Variants in PRDM14 observed in about 807,000 individuals in gnomAD.
PRDM14 encodes PR domain zinc finger protein 14.
PRDM14 carries 16 observed loss-of-function variants against 48.0 expected under a neutral mutation model. That is an observed-to-expected ratio of 0.33 (90% CI 0.23 to 0.51). PRDM14 has a LOEUF of 0.51. PRDM14 is among the 20% of genes least tolerant of loss of function. The pLI is 0.97. For synonymous variants in PRDM14, 264 were observed against 276.6 expected (o/e 0.95, Z 0.45); for missense variants, 566 against 719.6 (o/e 0.79, Z 2.44).
intron 6 of PRDM14, among the ~76,000 whole-genome samples, chr8:70,058,193 C>T (rs1675971218): frequency 1.3e-5 from 2 of 152,194 alleles, no homozygotes; most frequent in African/African-American, 4.8e-5. Context: ...TTCCTTCTTA[C>T]CTATACCTGT....
intron 2 of PRDM14, among the ~76,000 whole-genome samples, chr8:70,068,908 C>T (rs903775344): frequency 5.3e-5 from 8 of 152,340 alleles, no homozygotes; most frequent in African/African-American, 1.4e-4. Flanking sequence ...GAATCTGAAC[C>T]TACCTGGGAG....
In PRDM14 at chr8:70,052,115, T is replaced by G; in HGVS notation, c.1678A>C (p.Thr560Pro). 6.2e-7 allele frequency: 1 copy of G among 1,611,826 alleles called. No individual in the cohort carries two copies. The highest frequency in any genetic ancestry group is 8.5e-7 in the Non-Finnish European group (1 of 1,179,286). The part of the protein sequence containing the change: ...ICGKIFSDQE[T>P]FYSHMKFHED... ...TGAAACTTCATGTGGGAGTAGAATG[T>G]TTCTTGATCTGAGAAGATTTTCCCA... Residue 560 changes from threonine (T) to proline (P), a missense_variant, in exon 8 of 8, where the codon ACA (threonine) becomes CCA (proline). Physicochemically the swap from Thr to Pro is conservative, Grantham distance 38 (BLOSUM62 -1). This residue lies in a region of PRDM14 where 30 missense variants were observed against 23.4 expected (regional missense o/e 1.28). Coordinates refer to ENST00000276594, the MANE Select transcript of PRDM14 (RefSeq NM_024504.4).
At chr8:70,068,174 C>T in intron 4 of PRDM14, 56 bp downstream of exon 4, 9 of 1,601,932 alleles carry the variant, frequency 5.6e-6, no homozygotes, top group South Asian at 2.2e-5. Context: ...CCAAGATTTC[C>T]CCGGACTAGT....
chr8:70,066,516 T>C lies in PRDM14; in HGVS notation c.913-11A>G, dbSNP rs750397285. ...ACCATCTTCAAAGATCTAAATGAAA[T>C]AAGACATGAAGTTTGTATTGTACTT... On this transcript the variant is annotated splice_polypyrimidine_tract_variant and intron_variant, in intron 4 of 7. Transcript: ENST00000276594. 2 of 1,607,582 alleles carry C rather than the reference T, an allele frequency of 1.2e-6. No individual in the cohort carries two copies. The highest frequency in any genetic ancestry group is 1.7e-6 in the Non-Finnish European group (2 of 1,176,724).
Position 70,066,300 on chromosome 8 carries a change from A to T in PRDM14, c.1118T>A (p.Phe373Tyr). ...CTGAAGGCTCACAGGAATATCCAGA[A>T]ATTTCTCATAGCAGTCTCCATACCA... The part of the protein sequence containing the change: ...LVWYGDCYEK[F>Y]LDIPVSLQVT... Residue 373 changes from phenylalanine (F) to tyrosine (Y), a missense_variant, in exon 5 of 8, where the codon TTT becomes TAT. By Grantham distance (22) the Phe-to-Tyr change is conservative (BLOSUM62 3). This residue lies in a region of PRDM14 where 126 missense variants were observed against 271.6 expected (regional missense o/e 0.46). Coordinates refer to ENST00000276594, the MANE Select transcript of PRDM14 (RefSeq NM_024504.4). The T allele has an allele frequency of 1.9e-6, 3 of 1,614,100 alleles. No homozygotes were observed. The highest frequency in any genetic ancestry group is 2.5e-6 in the Non-Finnish European group (3 of 1,180,006).
chr8:70,061,739 T>G (rs1178596283), intron 5 of PRDM14, among the ~76,000 whole-genome samples: 1 of 152,150 alleles, frequency 6.6e-6, no homozygotes, highest in Non-Finnish European at 1.5e-5. Context: ...ACCACTTAGG[T>G]AGAAATGAAA....
At chr8:70,055,222 A>C (rs974867275) in intron 7 of PRDM14, 78 bp downstream of exon 7, 1 of 780,338 alleles carries the variant, frequency 1.3e-6, no homozygotes, top group African/African-American at 1.7e-5. Flanking sequence ...TCATTAAGCC[A>C]GGCTTTGTTT....
chr8:70,066,394 C>A lies in PRDM14; in HGVS notation c.1024G>T (p.Val342Leu). 1 of 1,614,210 alleles carries A rather than the reference C, an allele frequency of 6.2e-7. No homozygotes were observed. Among genetic ancestry groups the A allele is most frequent in the African/African-American group, 1.3e-5 (1 of 75,044 alleles). Residue 342 changes from valine (V) to leucine (L), a missense_variant, in exon 5 of 8, where the codon GTG becomes TTG. Physicochemically the swap from Val to Leu is conservative, Grantham distance 32. Coordinates refer to ENST00000276594, the MANE Select transcript of PRDM14 (RefSeq NM_024504.4). Reference sequence around the variant, plus strand: ...TAAAATATATGCCCTTGACACTGCACAGCAACTAGGTTCTGCTCCTTGGGG... The same window carrying A: ...TAAAATATATGCCCTTGACACTGCAAAGCAACTAGGTTCTGCTCCTTGGGG... ...RFPKEQNLVA[V>L]QCQGHIFYES... is the part of the protein sequence containing the mutation.
In PRDM14 at chr8:70,069,870, G is replaced by T; in HGVS notation, c.-10C>A. 1 of 1,566,696 alleles carries T rather than the reference G, an allele frequency of 6.4e-7. No individual in the cohort carries two copies. The highest frequency in any genetic ancestry group is 1.2e-5 in the South Asian group (1 of 85,572). ...GCCGGGGTAGAGCCATCCCGGGACCGCACGCTCGGCGGCTCTGCAGAAAAG... is the reference window on the plus strand; with the variant it reads ...GCCGGGGTAGAGCCATCCCGGGACCTCACGCTCGGCGGCTCTGCAGAAAAG... On this transcript the variant is annotated 5_prime_UTR_variant, in exon 2 of 8. Transcript: ENST00000276594.
intron 7 of PRDM14, 52 bp downstream of exon 7, chr8:70,055,248 A>AG: frequency 9.9e-7 from 1 of 1,009,088 alleles, no homozygotes; most frequent in Non-Finnish European, 1.5e-6. Flanking sequence ...TCTTATCCAT[A>AG]GACACTCAAG....
chr8:70,068,430 A>G (rs1327958442), intron 3 of PRDM14, 43 bp from the exon 4 acceptor site: 4 of 1,613,922 alleles, frequency 2.5e-6, no homozygotes, highest in Non-Finnish European at 3.4e-6. Flanking sequence ...AGGAGAGTTG[A>G]CTCTGCATTA....
chr8:70,063,123 T>C (rs758549216), intron 5 of PRDM14, among the ~76,000 whole-genome samples: 17 of 152,112 alleles, frequency 1.1e-4, no homozygotes, highest in Non-Finnish European at 2.4e-4. Flanking sequence ...AATAATTTGA[T>C]ACATACGGTG....
rs144351850 is a variant in PRDM14, at chr8:70,069,711, G to A, written c.150C>T (p.Phe50=). The A allele has an allele frequency of 7.3e-4, 1,147 of 1,573,118 alleles. 2 individuals carry two copies. Among genetic ancestry groups the A allele is most frequent in the Non-Finnish European group, 9.4e-4 (1,091 of 1,159,062 alleles). The change falls in exon 2 of 8, where the codon TTC becomes TTT. Residue 50 remains phenylalanine, a synonymous_variant. Coordinates refer to ENST00000276594, the MANE Select transcript of PRDM14 (RefSeq NM_024504.4). The part of the protein sequence containing the change: ...RNSLATVEED[F]QPFRQLEAAA... ...CGGCCTCCAGCTGCCGGAAAGGTTGGAAGTCTTCCTCCACGGTGGCCAGGC... is the reference window on the plus strand; with the variant it reads ...CGGCCTCCAGCTGCCGGAAAGGTTGAAAGTCTTCCTCCACGGTGGCCAGGC...
rs1805738101 is a variant in PRDM14, at chr8:70,069,865, G to A, written c.-5C>T. On this transcript the variant is annotated 5_prime_UTR_variant, in exon 2 of 8. Coordinates refer to ENST00000276594, the MANE Select transcript of PRDM14 (RefSeq NM_024504.4). Reference sequence around the variant, plus strand: ...ACTTGGCCGGGGTAGAGCCATCCCGGGACCGCACGCTCGGCGGCTCTGCAG... The same window carrying A: ...ACTTGGCCGGGGTAGAGCCATCCCGAGACCGCACGCTCGGCGGCTCTGCAG... 6.3e-7 allele frequency: 1 copy of A among 1,579,702 alleles called. No homozygotes were observed. The highest frequency in any genetic ancestry group is 1.3e-5 in the African/African-American group (1 of 74,314).
In PRDM14 at chr8:70,069,371, G is replaced by A. The variant is rs1221680996; in HGVS notation, c.490C>T (p.Leu164=). 6.2e-7 allele frequency: 1 copy of A among 1,612,150 alleles called. No individual in the cohort carries two copies. Among genetic ancestry groups the A allele is most frequent in the African/African-American group, 1.3e-5 (1 of 74,904 alleles). ...PADASLLPEG[L]RTSQLLPCSP... ...CAAGGTAATAACTGGGAGGTCCTCAGCCCCTCAGGTAACAGAGAAGCATCC... is the reference window on the plus strand; with the variant it reads ...CAAGGTAATAACTGGGAGGTCCTCAACCCCTCAGGTAACAGAGAAGCATCC... The change falls in exon 2 of 8, where the codon CTG becomes TTG. Residue 164 remains leucine, a synonymous_variant. Transcript: ENST00000276594.
chr8:70,052,865 CAAAAAAAA>C (rs71275047), intron 7 of PRDM14, among the ~76,000 whole-genome samples: 1 of 24,326 alleles, frequency 4.1e-5, no homozygotes, highest in African/African-American at 1.8e-4. Context: ...ACTCTGTCTC[CAAAAAAAA>C]AAAAAAAAAA....
chr8:70,058,145 T>C (rs535851597), intron 6 of PRDM14, among the ~76,000 whole-genome samples: 2 of 152,322 alleles, frequency 1.3e-5, no homozygotes, highest in South Asian at 2.1e-4. Flanking sequence ...CGGCCCACTG[T>C]AGAGGCCTTC....
chr8:70,055,255 C>T, intron 7 of PRDM14, 45 bp downstream of exon 7: 1 of 1,117,518 alleles, frequency 8.9e-7, no homozygotes, highest in Non-Finnish European at 1.3e-6. Context: ...CATAGACACT[C>T]AAGCAGAGCT....
chr8:70,057,330 ATTTT>A (rs879939829), intron 6 of PRDM14, among the ~76,000 whole-genome samples: 1 of 119,128 alleles, frequency 8.4e-6, no homozygotes, highest in Non-Finnish European at 1.8e-5. Context: ...ATAAGACAAT[ATTTT>A]TTTTTTTTTT....
Sources: allele counts gnomAD v4.1 joint callset (sites outside exome capture counted in the v4.1 genomes callset), GRCh38; gene constraint gnomAD v4.1.1; regional missense constraint gnomAD v4.1.1; transcripts MANE v1.5; gene names NCBI Gene and HGNC (gene_info 2026-07-23, HGNC 2026-07-21).